GALNT13: variants seen among roughly 807,000 people sequenced by gnomAD.
The protein encoded by GALNT13 is polypeptide N-acetylgalactosaminyltransferase 13.
GALNT13 carries 28 observed loss-of-function variants against 64.2 expected under a neutral mutation model. The observed-to-expected ratio is 0.44, with a 90% CI of 0.32 to 0.60. The LOEUF (loss-of-function observed/expected upper bound fraction) is 0.60. Among genes scored for constraint, GALNT13 ranks in the 20% least tolerant of loss-of-function variants. GALNT13 has a pLI of 0.05. For synonymous variants in GALNT13, 214 were observed against 224.6 expected (o/e 0.95, Z 0.42); for missense variants, 577 against 669.8 (o/e 0.86, Z 1.53).
At chr2:153,101,829 G>T in the GALNT13 span, among the ~76,000 whole-genome samples, 1 of 152,184 alleles carries the variant, frequency 6.6e-6, no homozygotes. Flanking sequence ...CTGTCTTTGC[G>T]TAGAAATAAA....
chr2:154,126,529 G>A (rs1424623927), intron 3 of GALNT13, among the ~76,000 whole-genome samples: 1 of 151,974 alleles, frequency 6.6e-6, no homozygotes, highest in African/African-American at 2.4e-5. Context: ...CAGCCACCAG[G>A]GAGGCTGAGG....
the GALNT13 span, among the ~76,000 whole-genome samples, chr2:153,666,225 C>T: frequency 6.6e-6 from 1 of 152,122 alleles, no homozygotes; most frequent in African/African-American, 2.4e-5. Flanking sequence ...CACTCACCCA[C>T]CTGCAGCCTC....
intron 1 of GALNT13, among the ~76,000 whole-genome samples, chr2:153,892,009 G>A (rs915513065): frequency 1.3e-5 from 2 of 151,972 alleles, no homozygotes; most frequent in African/African-American, 4.8e-5. Flanking sequence ...GCTCACACGA[G>A]CAAAACCTTG....
At chr2:153,854,677 T>C in the GALNT13 span, among the ~76,000 whole-genome samples, 1 of 151,960 alleles carries the variant, frequency 6.6e-6, no homozygotes, top group Non-Finnish European at 1.5e-5. Flanking sequence ...CAAGGAAACA[T>C]AATAAATGGA....
the GALNT13 span, among the ~76,000 whole-genome samples, chr2:153,180,602 T>C: frequency 6.6e-6 from 1 of 152,178 alleles, no homozygotes; most frequent in African/African-American, 2.4e-5. Flanking sequence ...GTATTGGCAT[T>C]GTTCTTTAAA....
At chr2:153,292,053 C>T in the GALNT13 span, among the ~76,000 whole-genome samples, 1,178 of 152,268 alleles carry the variant, frequency 7.7e-3, 10 homozygotes, top group Middle Eastern at 0.044. Flanking sequence ...TTTCTACAGG[C>T]GTTTCTGGTG....
intron 4 of GALNT13, among the ~76,000 whole-genome samples, chr2:154,192,586 G>T (rs1686655875): frequency 6.6e-6 from 1 of 152,096 alleles, no homozygotes; most frequent in Non-Finnish European, 1.5e-5. Flanking sequence ...AAACAAACAT[G>T]GTGTAAAACT....
At chr2:154,304,213 A>G (rs1481158648) in intron 9 of GALNT13, among the ~76,000 whole-genome samples, 2 of 152,198 alleles carry the variant, frequency 1.3e-5, no homozygotes, top group East Asian at 3.9e-4. Flanking sequence ...AGCCTCTTCT[A>G]TGTTAAAAAG....
chr2:154,337,363 T>A (rs1002433556), intron 9 of GALNT13, among the ~76,000 whole-genome samples: 4 of 152,120 alleles, frequency 2.6e-5, no homozygotes, highest in Admixed American at 2.6e-4. Context: ...AGGAACAGGA[T>A]TAAGTGAAGC....
chr2:153,996,344 C>T (rs1914899), intron 3 of GALNT13, among the ~76,000 whole-genome samples: 116,325 of 152,038 alleles, frequency 0.77, 44,880 homozygotes, highest in East Asian at 0.96. Flanking sequence ...CATTTGTTAT[C>T]TTTTGTATTT....
the GALNT13 span, among the ~76,000 whole-genome samples, chr2:153,341,019 T>C: frequency 6.6e-6 from 1 of 152,148 alleles, no homozygotes; most frequent in Non-Finnish European, 1.5e-5. Context: ...ATCTGTGTCT[T>C]AATAAGCCCT....
the GALNT13 span, among the ~76,000 whole-genome samples, chr2:153,087,759 G>C: frequency 4.6e-5 from 7 of 152,056 alleles, no homozygotes; most frequent in African/African-American, 1.4e-4. Flanking sequence ...TGCATGTGTA[G>C]GTGTTCACAG....
At chr2:154,127,673 C>A (rs1310315572) in intron 3 of GALNT13, among the ~76,000 whole-genome samples, 1 of 147,522 alleles carries the variant, frequency 6.8e-6, no homozygotes, top group Non-Finnish European at 1.5e-5. Context: ...TATGGTCATA[C>A]ATATAGTCAT....
the GALNT13 span, among the ~76,000 whole-genome samples, chr2:153,372,188 C>A: frequency 0.41 from 61,676 of 151,854 alleles, 12,971 homozygotes; most frequent in Non-Finnish European, 0.44. Flanking sequence ...CATGTGGTTT[C>A]GTATTTAATG....
chr2:153,462,392 G>T, the GALNT13 span, among the ~76,000 whole-genome samples: 4 of 152,058 alleles, frequency 2.6e-5, no homozygotes, highest in South Asian at 8.3e-4. Flanking sequence ...TTGTCCAATG[G>T]ACCTCTTCTT....
chr2:154,153,006 T>A (rs887519482), intron 4 of GALNT13, among the ~76,000 whole-genome samples: 1 of 152,198 alleles, frequency 6.6e-6, no homozygotes, highest in African/African-American at 2.4e-5. Context: ...GGAGAGGCGC[T>A]CTGCTTTTTA....
chr2:154,151,210 G>A (rs960092990), intron 4 of GALNT13, among the ~76,000 whole-genome samples: 3 of 152,130 alleles, frequency 2.0e-5, no homozygotes, highest in East Asian at 3.9e-4. Context: ...TCAGGAGCAG[G>A]TTGTTCAGTT....
At chr2:154,246,653 C>T (rs955076886) in intron 7 of GALNT13, among the ~76,000 whole-genome samples, 1 of 152,004 alleles carries the variant, frequency 6.6e-6, no homozygotes, top group Admixed American at 6.6e-5. Flanking sequence ...AACTAAAAAT[C>T]GATTTCCTGA....
At chr2:154,180,782 T>C (rs939545157) in intron 4 of GALNT13, among the ~76,000 whole-genome samples, 1 of 152,212 alleles carries the variant, frequency 6.6e-6, no homozygotes, top group African/African-American at 2.4e-5. Flanking sequence ...ATGGTCTATA[T>C]ACTTAATTTC....
Sources: allele counts gnomAD v4.1 joint callset (sites outside exome capture counted in the v4.1 genomes callset), GRCh38; gene constraint gnomAD v4.1.1; transcripts MANE v1.5; gene names NCBI Gene and HGNC (gene_info 2026-07-23, HGNC 2026-07-21).